The following GNA14 variants were observed in gnomAD, a reference collection of about 807,000 sequenced individuals.
The protein encoded by GNA14 is G protein subunit alpha 14, also known as guanine nucleotide-binding protein subunit alpha-14.
A neutral mutation model predicts 42.0 loss-of-function variants in GNA14; 50 were observed. That is an observed-to-expected ratio of 1.19 (90% CI 0.95 to 1.51). The LOEUF (loss-of-function observed/expected upper bound fraction) is 1.51. Ranked by LOEUF, GNA14 falls within the 40% of genes most tolerant of loss-of-function variation. The pLI, the probability that GNA14 is intolerant of heterozygous loss-of-function variation, is 0.00. For synonymous variants in GNA14, 173 were observed against 163.1 expected (o/e 1.06, Z -0.46); for missense variants, 473 against 446.2 (o/e 1.06, Z -0.54).
chr9:77,467,001 GT>G, intron 2 of GNA14, among the ~76,000 whole-genome samples: 3 of 25,838 alleles, frequency 1.2e-4, no homozygotes, highest in Non-Finnish European at 1.9e-4. Flanking sequence ...TTACCACTCG[GT>G]GTGTGTGTGT....
chr9:77,547,834 A>C (rs1447105450), intron 1 of GNA14, among the ~76,000 whole-genome samples: 1 of 152,210 alleles, frequency 6.6e-6, no homozygotes, highest in Non-Finnish European at 1.5e-5. Context: ...TGAGTATAAC[A>C]CATCATCATT....
intron 2 of GNA14, among the ~76,000 whole-genome samples, chr9:77,509,020 G>A (rs1369686852): frequency 6.6e-6 from 1 of 152,124 alleles, no homozygotes; most frequent in African/African-American, 2.4e-5. Context: ...ACGTTGTCAT[G>A]CAACCATCAC....
intron 1 of GNA14, among the ~76,000 whole-genome samples, chr9:77,614,921 T>C (rs1255333453): frequency 1.3e-5 from 2 of 152,194 alleles, no homozygotes; most frequent in Non-Finnish European, 2.9e-5. Flanking sequence ...CAGTCATAAT[T>C]TACTGTAAAT....
chr9:77,538,699 G>A (rs1166109711), intron 1 of GNA14, among the ~76,000 whole-genome samples: 1 of 151,930 alleles, frequency 6.6e-6, no homozygotes, highest in East Asian at 1.9e-4. Flanking sequence ...ATTGTAAATA[G>A]CATTGCTTTC....
At chr9:77,506,905 C>T (rs1837079928) in intron 2 of GNA14, among the ~76,000 whole-genome samples, 1 of 152,176 alleles carries the variant, frequency 6.6e-6, no homozygotes, top group African/African-American at 2.4e-5. Context: ...CATTAATTTC[C>T]TCCACCTATC....
At chr9:77,640,376 G>C (rs538541236) in intron 1 of GNA14, among the ~76,000 whole-genome samples, 3 of 152,198 alleles carry the variant, frequency 2.0e-5, no homozygotes, top group Non-Finnish European at 4.4e-5. Flanking sequence ...CCAATATCAT[G>C]AACTCCCTTC....
chr9:77,613,703 C>G (rs1469540540), intron 1 of GNA14, among the ~76,000 whole-genome samples: 1 of 152,162 alleles, frequency 6.6e-6, no homozygotes, highest in African/African-American at 2.4e-5. Context: ...TCATACATGT[C>G]AATCAATAAA....
intron 2 of GNA14, among the ~76,000 whole-genome samples, chr9:77,494,176 G>A (rs560127791): frequency 2.6e-5 from 4 of 152,114 alleles, no homozygotes; most frequent in African/African-American, 9.6e-5. Context: ...GCCCACCCCA[G>A]CCTCCCAAAG....
At chr9:77,562,400 T>A (rs1345558857) in intron 1 of GNA14, among the ~76,000 whole-genome samples, 1 of 151,894 alleles carries the variant, frequency 6.6e-6, no homozygotes, top group Non-Finnish European at 1.5e-5. Flanking sequence ...CCCAAAAAAA[T>A]GATCATGTAT....
At chr9:77,591,911 T>G (rs888993710) in intron 1 of GNA14, among the ~76,000 whole-genome samples, 5 of 118,358 alleles carry the variant, frequency 4.2e-5, no homozygotes, top group African/African-American at 1.3e-4. Flanking sequence ...CCGTTTTTTG[T>G]TTTTTGGTTT....
chr9:77,528,437 C>A (rs984154163), intron 2 of GNA14, among the ~76,000 whole-genome samples: 1 of 152,126 alleles, frequency 6.6e-6, no homozygotes, highest in African/African-American at 2.4e-5. Flanking sequence ...ACTTCCTCTT[C>A]CTCTCTCTTT....
intron 2 of GNA14, among the ~76,000 whole-genome samples, chr9:77,498,775 C>T (rs966591802): frequency 1.3e-5 from 2 of 152,136 alleles, no homozygotes; most frequent in Non-Finnish European, 2.9e-5. Context: ...TGACCATTTT[C>T]GGAGCCACCG....
intron 1 of GNA14, among the ~76,000 whole-genome samples, chr9:77,627,302 G>A (rs891996827): frequency 6.6e-6 from 1 of 152,054 alleles, no homozygotes; most frequent in African/African-American, 2.4e-5. Context: ...TCTACCAGAG[G>A]TACAAAAAGG....
chr9:77,502,455 C>T (rs993112064), intron 2 of GNA14, among the ~76,000 whole-genome samples: 1 of 152,224 alleles, frequency 6.6e-6, no homozygotes, highest in Non-Finnish European at 1.5e-5. Flanking sequence ...CCTTGCTATA[C>T]TACAGGGGCT....
intron 1 of GNA14, among the ~76,000 whole-genome samples, chr9:77,611,005 G>T (rs1295142040): frequency 6.6e-6 from 1 of 152,166 alleles, no homozygotes; most frequent in Non-Finnish European, 1.5e-5. Context: ...TAGGAAAGGA[G>T]GAGGGGTAGA....
intron 1 of GNA14, among the ~76,000 whole-genome samples, chr9:77,600,537 C>A (rs1032671630): frequency 1.3e-5 from 2 of 152,176 alleles, no homozygotes; most frequent in Admixed American, 1.3e-4. Flanking sequence ...TCACATGGCA[C>A]CCCGGCGTTG....
At chr9:77,488,142 GA>G (rs1347031665) in intron 2 of GNA14, among the ~76,000 whole-genome samples, 1 of 152,168 alleles carries the variant, frequency 6.6e-6, no homozygotes, top group Admixed American at 6.5e-5. Flanking sequence ...CAATATCTTA[GA>G]ACTCACATAT....
At chr9:77,614,881 G>T (rs1046584158) in intron 1 of GNA14, among the ~76,000 whole-genome samples, 2 of 152,210 alleles carry the variant, frequency 1.3e-5, no homozygotes, top group African/African-American at 4.8e-5. Context: ...CAAAGAAATC[G>T]TCAGGGGTGG....
At chr9:77,623,635 TG>T (rs936315090) in intron 1 of GNA14, among the ~76,000 whole-genome samples, 1 of 151,998 alleles carries the variant, frequency 6.6e-6, no homozygotes, top group African/African-American at 2.4e-5. Context: ...CAAAGCAGGG[TG>T]GGGCGTTGCC....
Sources: gnomAD v4.1 joint callset for allele counts (sites outside exome capture counted in the v4.1 genomes callset) on GRCh38, gnomAD v4.1.1 for gene constraint, MANE v1.5 for transcripts, NCBI Gene and HGNC (gene_info 2026-07-23, HGNC 2026-07-21) for gene names.